Variants in PDHX observed in about 807,000 individuals in gnomAD.
The protein encoded by PDHX is pyruvate dehydrogenase complex component X, also known as pyruvate dehydrogenase protein X component, mitochondrial.
PDHX carries 33 observed loss-of-function variants against 55.3 expected under a neutral mutation model. The observed-to-expected ratio is 0.60, with a 90% CI of 0.45 to 0.80. The LOEUF is 0.80. Ranked by LOEUF, PDHX falls within the 30% of genes least tolerant of loss-of-function variation. The pLI is 0.00. For synonymous variants in PDHX, 226 were observed against 219.4 expected (o/e 1.03, Z -0.27); for missense variants, 622 against 619.9 (o/e 1.00, Z -0.04).
Position 34,966,818 on chromosome 11 carries a change from G to A in PDHX, c.816+4G>A, listed in dbSNP as rs2133980900. ...TCCTGGACAACCCAATGCAGTGGTA[G>A]TGTTCTCTAAGTGGATTTTTATTTC... On this transcript the variant is annotated splice_donor_region_variant and intron_variant, in intron 6 of 10. Transcript: ENST00000227868. 1 of 1,610,202 alleles carries A rather than the reference G, an allele frequency of 6.2e-7. No individual in the cohort carries two copies. Among genetic ancestry groups the A allele is most frequent in the Non-Finnish European group, 8.5e-7 (1 of 1,176,528 alleles).
chr11:34,935,287 GATACA>G lies in PDHX; in HGVS notation c.241+3808_241+3812del, dbSNP rs1254915289. On this transcript the variant is annotated intron_variant, in intron 2 of 10. Transcript: ENST00000227868. ...TGTTGATATTATTAAGAGAATATTT[GATACA>G]ATACCATCTATAAAGCTGTATTATG... Among the ~76,000 whole-genome samples the G allele has an allele frequency of 9.2e-5, 14 of 152,200 alleles. No individual in the cohort carries two copies. In the East Asian group the frequency reaches 2.7e-3, roughly 29 times the overall value.
At chr11:34,952,428 G>T (rs551284573) in intron 3 of PDHX, among the ~76,000 whole-genome samples, 2 of 152,128 alleles carry the variant, frequency 1.3e-5, no homozygotes, top group Non-Finnish European at 2.9e-5. Context: ...GAACATTGAT[G>T]CAAAAATCCT....
intron 2 of PDHX, among the ~76,000 whole-genome samples, chr11:34,938,072 T>G (rs1854378187): frequency 6.6e-6 from 1 of 152,128 alleles, no homozygotes; most frequent in Non-Finnish European, 1.5e-5. Flanking sequence ...ATATAGTCTC[T>G]CAAATTAAAA....
intron 3 of PDHX, 117 bp from the exon 4 acceptor site, chr11:34,957,267 G>A: frequency 1.3e-6 from 1 of 764,398 alleles, no homozygotes; most frequent in Admixed American, 2.1e-5. Flanking sequence ...TGTCTTGGAA[G>A]CAGCTTTTAG....
intron 2 of PDHX, among the ~76,000 whole-genome samples, chr11:34,933,337 C>T (rs1854222392): frequency 6.6e-6 from 1 of 152,078 alleles, no homozygotes; most frequent in Non-Finnish European, 1.5e-5. Flanking sequence ...GATTATATGG[C>T]CCTAATAGAT....
rs780114827 is a variant in PDHX at position 34,966,754 on chromosome 11, A to G, written c.756A>G (p.Gly252=). The G allele has an allele frequency of 1.9e-6, 3 of 1,614,074 alleles. No individual in the cohort carries two copies. The highest frequency in any genetic ancestry group is 2.2e-5 in the East Asian group (1 of 44,880). The change falls in exon 6 of 11, where the codon GGA becomes GGG. Residue 252 remains glycine, a synonymous_variant. Transcript: ENST00000227868. ...TAPSPLQATA[G]PSYPRPVIPP... Reference sequence around the variant, plus strand: ...CTTCGCCCCTACAGGCCACAGCTGGACCATCTTATCCCCGGCCTGTGATCC... The same window carrying G: ...CTTCGCCCCTACAGGCCACAGCTGGGCCATCTTATCCCCGGCCTGTGATCC...
At chr11:34,933,539 A>G (rs776758656) in intron 2 of PDHX, among the ~76,000 whole-genome samples, 11 of 152,204 alleles carry the variant, frequency 7.2e-5, no homozygotes, top group Non-Finnish European at 1.6e-4. Context: ...AACAGGTAAA[A>G]GTTTCTAAGG....
At chr11:34,977,843 G>C in intron 7 of PDHX, 2 of 503,914 alleles carry the variant, frequency 4.0e-6, no homozygotes. Flanking sequence ...TGCTTGTAAT[G>C]GGTCCTTCAG....
In PDHX at chr11:34,977,912, A is replaced by G. The variant is rs540867719; in HGVS notation, c.965-212A>G. The stretch of plus-strand genomic sequence containing the variant: ...ATTGATAACCAAGGCCCAGAAGTAA[A>G]CTTACATTCATGGTTAATATTATTG... On this transcript the variant is annotated intron_variant, in intron 7 of 10. Coordinates refer to ENST00000227868, the MANE Select transcript of PDHX (RefSeq NM_003477.3). 379 of 593,772 alleles carry G rather than the reference A, an allele frequency of 6.4e-4. 5 individuals carry two copies. Among genetic ancestry groups the G allele is most frequent in the South Asian group, 5.9e-3 (370 of 62,728 alleles). The allele number at this position is 593,772 out of a possible 1,614,324, so 36.8% of individuals were successfully genotyped here. A position where few individuals can be genotyped will look rare whatever the true frequency, so the allele number is the denominator to read the frequency against.
chr11:34,973,462 T>C (rs1026811840), intron 7 of PDHX, among the ~76,000 whole-genome samples: 1 of 152,214 alleles, frequency 6.6e-6, no homozygotes, highest in African/African-American at 2.4e-5. Context: ...TGCATTCTCT[T>C]TGTCCCACCT....
At chr11:34,925,410 T>C (rs1206661682) in intron 1 of PDHX, among the ~76,000 whole-genome samples, 1 of 152,220 alleles carries the variant, frequency 6.6e-6, no homozygotes, top group South Asian at 2.1e-4. Flanking sequence ...GTCTCTTTAA[T>C]TGATTATTAC....
At chr11:34,940,596 T>G (rs1308359062) in intron 2 of PDHX, among the ~76,000 whole-genome samples, 1 of 152,236 alleles carries the variant, frequency 6.6e-6, no homozygotes, top group Admixed American at 6.5e-5. Flanking sequence ...TTTACCTATT[T>G]TAAGTATTCA....
upstream of PDHX, chr11:34,916,326 G>C (rs766242750): frequency 8.1e-6 from 13 of 1,606,058 alleles, no homozygotes; most frequent in Non-Finnish European, 1.0e-5. Flanking sequence ...TCTCCGCACG[G>C]CTTTGCGCGC....
intron 3 of PDHX, 105 bp from the exon 4 acceptor site, chr11:34,957,279 T>C (rs548007461): frequency 3.6e-6 from 3 of 841,626 alleles, no homozygotes; most frequent in East Asian, 2.6e-5. Context: ...AGCTTTTAGC[T>C]CAAATTAAGA....
At chr11:34,977,244 C>T (rs1387009499) in intron 7 of PDHX, among the ~76,000 whole-genome samples, 1 of 152,146 alleles carries the variant, frequency 6.6e-6, no homozygotes, top group Non-Finnish European at 1.5e-5. Flanking sequence ...ATACCACTGA[C>T]TAGATCTAGA....
chr11:34,915,977 CTTCTTT>C, upstream of PDHX: 1 of 581,298 alleles, frequency 1.7e-6, no homozygotes, highest in Non-Finnish European at 3.0e-6. Flanking sequence ...CAGTTATTTG[CTTCTTT>C]CCAACGTTTG....
intron 2 of PDHX, among the ~76,000 whole-genome samples, chr11:34,947,124 T>C (rs1854638208): frequency 6.6e-6 from 1 of 152,228 alleles, no homozygotes; most frequent in African/African-American, 2.4e-5. Flanking sequence ...AAAACTTTTC[T>C]TCAGGGAATA....
intron 8 of PDHX, 73 bp from the exon 9 acceptor site, chr11:34,984,497 T>G: frequency 7.6e-7 from 1 of 1,318,666 alleles, no homozygotes; most frequent in Admixed American, 1.8e-5. Flanking sequence ...AAATGCACAA[T>G]GATTTTATTT....
intron 7 of PDHX, among the ~76,000 whole-genome samples, chr11:34,974,273 C>G (rs1056026889): frequency 6.6e-6 from 1 of 152,104 alleles, no homozygotes; most frequent in African/African-American, 2.4e-5. Context: ...AGTACTTGTC[C>G]TTTTGTGACT....
Sources: allele counts gnomAD v4.1 joint callset (sites outside exome capture counted in the v4.1 genomes callset), GRCh38; gene constraint gnomAD v4.1.1; transcripts MANE v1.5; gene names NCBI Gene and HGNC (gene_info 2026-07-23, HGNC 2026-07-21).